The following RNF40 variants were observed in gnomAD, a reference collection of about 807,000 sequenced individuals.
RNF40 encodes the protein ring finger protein 40.
A neutral mutation model predicts 123.3 loss-of-function variants in RNF40; 39 were observed. The observed-to-expected ratio is 0.32, with a 90% CI of 0.24 to 0.41. The LOEUF is 0.41. Among genes scored for constraint, RNF40 ranks in the 10% least tolerant of loss-of-function variants. RNF40 has a pLI of 1.00. For synonymous variants in RNF40, 538 were observed against 526.0 expected (o/e 1.02, Z -0.31); for missense variants, 1,003 against 1,319.9 (o/e 0.76, Z 3.72).
intron 17 of RNF40, among the ~76,000 whole-genome samples, chr16:30,769,932 T>C (rs537899256): frequency 6.6e-6 from 1 of 152,024 alleles, no homozygotes; most frequent in East Asian, 1.9e-4. Context: ...ACCCCATCTC[T>C]ACAAAAAAAT....
chr16:30,765,053 A>G lies in RNF40; in HGVS notation c.765A>G (p.Ser255=). 2 of 1,610,636 alleles carry G rather than the reference A, an allele frequency of 1.2e-6. No individual in the cohort carries two copies. The highest frequency in any genetic ancestry group is 1.7e-6 in the Non-Finnish European group (2 of 1,176,984). Reference sequence around the variant, plus strand: ...TGCAGGAGAAACACCACCGCATCTCATTGGAGGTGAGGAGCCGGGGGCTTT... The same window carrying G: ...TGCAGGAGAAACACCACCGCATCTCGTTGGAGGTGAGGAGCCGGGGGCTTT... ...TQLQEKHHRI[S]LEYSELQDKV... The change falls in exon 6 of 20, where the codon TCA becomes TCG. Residue 255 remains serine (S), a synonymous_variant. Transcript: ENST00000324685.
chr16:30,762,372 G>A lies in RNF40; in HGVS notation c.-72+12G>A. 1 of 656,542 alleles carries A rather than the reference G, an allele frequency of 1.5e-6. No individual in the cohort carries two copies. The highest frequency in any genetic ancestry group is 2.5e-5 in the South Asian group (1 of 40,280). The allele number at this position is 656,542 out of a possible 1,614,324, so 40.7% of individuals were successfully genotyped here. On this transcript the variant is annotated intron_variant, in intron 1 of 19. Transcript: ENST00000324685. Reference sequence around the variant, plus strand: ...TGACCCTCCTGCTGGTGAGGGCTCTGGCGCCGGGGGGGACGGGATCCAGCA... The same window carrying A: ...TGACCCTCCTGCTGGTGAGGGCTCTAGCGCCGGGGGGGACGGGATCCAGCA...
rs138041260 is a variant in RNF40 at position 30,768,329 on chromosome 16, C to T, written c.1778C>T (p.Thr593Ile). 29 of 1,613,180 alleles carry T rather than the reference C, an allele frequency of 1.8e-5. No individual in the cohort carries two copies. Among genetic ancestry groups the T allele is most frequent in the Middle Eastern group, 1.6e-4 (1 of 6,084 alleles). Residue 593 changes from threonine to isoleucine, a missense_variant, in exon 13 of 20, where the codon ACC (threonine) becomes ATC (isoleucine). Thr to Ile is a moderately conservative substitution (Grantham distance 89). Coordinates refer to ENST00000324685, the MANE Select transcript of RNF40 (RefSeq NM_014771.4). The surrounding 1 kb of genome is among the most constrained non-coding windows in gnomAD (Gnocchi z 4.1). ...TCTGAAGAGGACTTCCAGGGTATAA[C>T]CCCTGGGGCCCAGGGCCCTTCCTCC... The part of the protein sequence containing the change: ...VPSEEDFQGI[T>I]PGAQGPSSRG...
rs1567280803 is a variant in RNF40 at position 30,763,436 on chromosome 16, G to T, written c.319G>T (p.Ala107Ser). The change falls in exon 4 of 20, where the codon GCC becomes TCC. Residue 107 changes from alanine (A) to serine (S), a missense_variant. Transcript: ENST00000324685. The part of the protein sequence containing the change: ...YWAQLDETVE[A>S]LLRCHESQGE... ...CTTCCAGCTGGATGAAACTGTGGAA[G>T]CCCTTCTCCGATGCCATGAGAGCCA... The T allele has an allele frequency of 1.2e-6, 2 of 1,607,450 alleles. No homozygotes were observed.
At chr16:30,764,691 C>A (rs907817956) in intron 5 of RNF40, among the ~76,000 whole-genome samples, 1 of 152,130 alleles carries the variant, frequency 6.6e-6, no homozygotes, top group East Asian at 1.9e-4. Context: ...AGGGCTCAGG[C>A]CTTGTAGGTT....
In RNF40 at chr16:30,768,128, C is replaced by T; in HGVS notation, c.1577C>T (p.Ala526Val). ...GKLRAQASGS[A>V]HSTPNLGHPE... is the part of the protein sequence containing the mutation. The stretch of plus-strand genomic sequence containing the variant: ...CTCCGGGCCCAGGCCAGTGGCTCTG[C>T]CCACTCCACCCCCAACCTGGGCCAC... Residue 526 changes from alanine to valine, a missense_variant, in exon 13 of 20, where the codon GCC becomes GTC. Physicochemically the swap from Ala to Val is moderately conservative, Grantham distance 64. Around this residue, in one of 11 missense-constraint regions of RNF40, gnomAD observed 295 missense variants for 331.7 expected, o/e 0.89. Coordinates refer to ENST00000324685, the MANE Select transcript of RNF40 (RefSeq NM_014771.4). This position sits in a 1 kb window ranked among gnomAD's most constrained non-coding sequence, Gnocchi z 4.1. The T allele has an allele frequency of 6.2e-7, 1 of 1,607,536 alleles. No individual in the cohort carries two copies. Among genetic ancestry groups the T allele is most frequent in the Middle Eastern group, 1.7e-4 (1 of 6,028 alleles).
Position 30,764,279 on chromosome 16 carries a change from G to A in RNF40, c.543G>A (p.Leu181=). The A allele has an allele frequency of 6.2e-7, 1 of 1,613,526 alleles. No individual in the cohort carries two copies. Among genetic ancestry groups the A allele is most frequent in the East Asian group, 2.2e-5 (1 of 44,866 alleles). ...GCAGTGAGGAGGTGGAGCTGGAGCT[G>A]CAAGGCCGAATGGAGTTCTCCAAGG... ...ASSSEEVELE[L]QGRMEFSKAA... is the part of the protein sequence containing the mutation. The change falls in exon 5 of 20, where the codon CTG becomes CTA. Residue 181 remains leucine (L), a synonymous_variant. Coordinates refer to ENST00000324685, the MANE Select transcript of RNF40 (RefSeq NM_014771.4).
intron 4 of RNF40, 89 bp downstream of exon 4, chr16:30,763,648 C>T: frequency 2.2e-6 from 3 of 1,360,218 alleles, no homozygotes; most frequent in Non-Finnish European, 3.1e-6. Context: ...CCCTGAATTG[C>T]CTATCTTACT....
At chr16:30,764,884 G>C in intron 5 of RNF40, 54 bp from the exon 6 acceptor site, 3 of 1,578,710 alleles carry the variant, frequency 1.9e-6, no homozygotes, top group Non-Finnish European at 2.6e-6. Flanking sequence ...GAATGAGTTA[G>C]TTGTTTGCCC....
At chr16:30,764,680 A>G (rs773923428) in intron 5 of RNF40, among the ~76,000 whole-genome samples, 3 of 152,144 alleles carry the variant, frequency 2.0e-5, no homozygotes, top group Non-Finnish European at 2.9e-5. Context: ...GCATAGCTTC[A>G]AGGGCTCAGG....
Position 30,765,583 on chromosome 16 carries a change from A to G in RNF40, c.993+84A>G, listed in dbSNP as rs909993037. The G allele has an allele frequency of 4.7e-6, 6 of 1,267,826 alleles. No homozygotes were observed. The South Asian group carries it at 5.0e-5, about 11-fold the overall frequency. 78.5% of individuals were successfully genotyped at this position (1,267,826 alleles called of 1,614,324 possible). On this transcript the variant is annotated intron_variant, in intron 8 of 19. Coordinates refer to ENST00000324685, the MANE Select transcript of RNF40 (RefSeq NM_014771.4). ...ATTCCCCTCAGGACAAAGGACAAAC[A>G]TCCATCTCTGAGGCCCTTCCTGGTC...
In RNF40 at chr16:30,768,051, GACTCCAGTGA is replaced by G; in HGVS notation, c.1551+39_1552-40del. On this transcript the variant is annotated intron_variant, in intron 12 of 19. Coordinates refer to ENST00000324685, the MANE Select transcript of RNF40 (RefSeq NM_014771.4). The surrounding 1 kb of genome is among the most constrained non-coding windows in gnomAD (Gnocchi z 4.1). ...GCCTGCCTGGGAAAAGGTTTGGCTA[GACTCCAGTGA>G]ACACCATCTGACTTCATCCCTCTTC... 1 of 1,614,176 alleles carries G rather than the reference GACTCCAGTGA, an allele frequency of 6.2e-7. No homozygotes were observed. Among genetic ancestry groups the G allele is most frequent in the South Asian group, 1.1e-5 (1 of 91,072 alleles).
rs1428671298 is a variant in RNF40, at chr16:30,772,083, C to T, written c.2728-6C>T. ...CTTGCCCTTAGCCAGGCCTCTCCTG[C>T]CCCAGGAGGACATCTCACGGCTGCG... On this transcript the variant is annotated splice_region_variant and splice_polypyrimidine_tract_variant and intron_variant, in intron 18 of 19. Coordinates refer to ENST00000324685, the MANE Select transcript of RNF40 (RefSeq NM_014771.4). 1.9e-6 allele frequency: 3 copies of T among 1,565,994 alleles called. No homozygotes were observed. The highest frequency in any genetic ancestry group is 3.8e-5 in the Admixed American group (2 of 52,160).
Position 30,775,049 on chromosome 16 carries a change from C to T in RNF40, c.*935C>T, listed in dbSNP as rs897078725. Reference sequence around the variant, plus strand: ...TGTCCTGTCTGCCTGCCCAGCCATGCTCCATCGGCTGTGAGGGCAGTGCCC... The same window carrying T: ...TGTCCTGTCTGCCTGCCCAGCCATGTTCCATCGGCTGTGAGGGCAGTGCCC... On this transcript the variant is annotated 3_prime_UTR_variant, in exon 20 of 20. Coordinates refer to ENST00000324685, the MANE Select transcript of RNF40 (RefSeq NM_014771.4). The T allele has an allele frequency of 2.6e-5, 12 of 456,350 alleles. 1 individual carries two copies. In the Middle Eastern group the frequency reaches 9.7e-4, roughly 37 times the overall value. The allele number at this position is 456,350 out of a possible 1,614,324, so 28.3% of individuals were successfully genotyped here. A position where few individuals can be genotyped will look rare whatever the true frequency, so the allele number is the denominator to read the frequency against.
intron 15 of RNF40, 64 bp from the exon 16 acceptor site, chr16:30,769,121 TG>T: frequency 6.3e-7 from 1 of 1,598,956 alleles, no homozygotes; most frequent in East Asian, 2.2e-5. Context: ...CGTTTTCCCA[TG>T]GTTCCCCCAC....
Position 30,774,069 on chromosome 16 carries a change from C to T in RNF40, c.2961C>T (p.Asn987=), listed in dbSNP as rs373727066. 37 of 1,613,872 alleles carry T rather than the reference C, an allele frequency of 2.3e-5. No homozygotes were observed. Among genetic ancestry groups the T allele is most frequent in the African/African-American group, 5.3e-5 (4 of 74,926 alleles). Residue 987 remains asparagine (N), a synonymous_variant, in exon 20 of 20, where the codon AAC becomes AAT. Transcript: ENST00000324685. Reference sequence around the variant, plus strand: ...GCCAGAGGAAGTGCCCCAAGTGCAACGCGGCCTTTGGTGCCCACGACTTCC... The same window carrying T: ...GCCAGAGGAAGTGCCCCAAGTGCAATGCGGCCTTTGGTGCCCACGACTTCC... ...EARQRKCPKC[N]AAFGAHDFHR... is the part of the protein sequence containing the mutation.
At chr16:30,765,131 C>T (rs968388902) in intron 6 of RNF40, 50 bp from the exon 7 acceptor site, 6 of 1,611,624 alleles carry the variant, frequency 3.7e-6, no homozygotes, top group South Asian at 3.3e-5. Flanking sequence ...ACTCAGGGAC[C>T]TCAGGAACCA....
At position 30,775,893 on chromosome 16, in the gene RNF40, A is replaced by G. The variant is rs1229578963; in HGVS notation, c.*1779A>G. On this transcript the variant is annotated 3_prime_UTR_variant, in exon 20 of 20. Coordinates refer to ENST00000324685, the MANE Select transcript of RNF40 (RefSeq NM_014771.4). ...GGACCAGGACGAACTGGAGAAGGAGACGCGGGCCGCCACGGTGACCTCGGG... is the reference window on the plus strand; with the variant it reads ...GGACCAGGACGAACTGGAGAAGGAGGCGCGGGCCGCCACGGTGACCTCGGG... 1 of 152,182 alleles carries G rather than the reference A, an allele frequency of 6.6e-6. No homozygotes were observed. The highest frequency in any genetic ancestry group is 1.5e-5 in the Non-Finnish European group (1 of 68,044). The allele number at this position is 152,182 out of a possible 1,614,324, so 9.4% of individuals were successfully genotyped here.
intron 17 of RNF40, among the ~76,000 whole-genome samples, chr16:30,771,309 T>C (rs553715188): frequency 1.3e-5 from 2 of 152,064 alleles, no homozygotes; most frequent in Admixed American, 6.5e-5. Context: ...GAGGAGAGCC[T>C]TGTGAAAGCT....
Sources: allele counts gnomAD v4.1 joint callset (sites outside exome capture counted in the v4.1 genomes callset), GRCh38; gene constraint gnomAD v4.1.1; regional missense constraint gnomAD v4.1.1; non-coding constraint Gnocchi (gnomAD v3.1); transcripts MANE v1.5; gene names NCBI Gene and HGNC (gene_info 2026-07-23, HGNC 2026-07-21).